The following ANKHD1 variants were observed in gnomAD, a reference collection of about 807,000 sequenced individuals.
The protein encoded by ANKHD1 is ankyrin repeat and KH domain-containing protein 1.
ANKHD1 carries 31 observed loss-of-function variants against 230.5 expected under a neutral mutation model. That is an observed-to-expected ratio of 0.13 (90% CI 0.10 to 0.18). The LOEUF is 0.18. ANKHD1 is among the 10% of genes least tolerant of loss of function. The probability of loss-of-function intolerance (pLI) is 1.00; values close to 1 mark genes in which losing one functional copy is unlikely to be tolerated. For missense variants in ANKHD1, 2,256 were observed against 3,071.3 expected, an observed-to-expected ratio of 0.73 and a Z score of 6.27; for synonymous variants, 1,074 against 1,117.6, an observed-to-expected ratio of 0.96 and a Z score of 0.78.
chr5:140,516,657 T>A (rs1263587798), intron 24 of ANKHD1, among the ~76,000 whole-genome samples: 1 of 152,052 alleles, frequency 6.6e-6, no homozygotes, highest in Non-Finnish European at 1.5e-5. Context: ...AGAAAAGAAT[T>A]TTCAACCCAG....
intron 10 of ANKHD1, among the ~76,000 whole-genome samples, chr5:140,470,066 G>T (rs1776380057): frequency 6.6e-6 from 1 of 151,914 alleles, no homozygotes; most frequent in African/African-American, 2.4e-5. Flanking sequence ...TGAATCACTT[G>T]TTCTTTCCCC....
intron 5 of ANKHD1, among the ~76,000 whole-genome samples, chr5:140,445,520 A>G (rs1276941660): frequency 6.6e-6 from 1 of 151,644 alleles, no homozygotes; most frequent in East Asian, 2.0e-4. Context: ...AAAGAAAAGA[A>G]AATTAAGGTG....
At position 140,496,705 on chromosome 5, in the gene ANKHD1, C is replaced by A. The variant is rs752623422; in HGVS notation, c.2431C>A (p.Pro811Thr). The A allele has an allele frequency of 1.2e-6, 2 of 1,613,612 alleles. No individual in the cohort carries two copies. The highest frequency in any genetic ancestry group is 1.1e-5 in the South Asian group (1 of 91,060). ...LKSLELIQGE[P>T]LNKDKIEELK... ...GTCACTGGAGTTAATTCAAGGTGAA[C>A]CTCTGAACAAAGATAAGATAGAAGA... is the stretch of plus-strand genomic sequence containing the variant. Residue 811 changes from proline to threonine, a missense_variant, in exon 15 of 34, where the codon CCT becomes ACT. By Grantham distance (38) the Pro-to-Thr change is conservative. Around this residue, in one of 13 missense-constraint regions of ANKHD1, gnomAD observed 358 missense variants for 397.7 expected, o/e 0.90. Transcript: ENST00000360839.
chr5:140,539,015 C>G lies in ANKHD1; in HGVS notation c.7501C>G (p.Pro2501Ala), dbSNP rs145182659. The G allele has an allele frequency of 5.8e-5, 93 of 1,613,352 alleles. No homozygotes were observed. Among genetic ancestry groups the G allele is most frequent in the Admixed American group, 3.5e-4 (21 of 59,848 alleles). ...GGPLFNGLHN[P>A]DPAWNPMIKV... ...CCCTCTGTTTAATGGACTTCACAATCCAGATCCTGCTTGGAACCCTATGAT... is the reference window on the plus strand; with the variant it reads ...CCCTCTGTTTAATGGACTTCACAATGCAGATCCTGCTTGGAACCCTATGAT... The change falls in exon 33 of 34, where the codon CCA becomes GCA. Residue 2501 changes from proline (P) to alanine (A), a missense_variant. Pro to Ala is a conservative substitution (Grantham distance 27). Around this residue, in one of 13 missense-constraint regions of ANKHD1, gnomAD observed 778 missense variants for 966.5 expected, o/e 0.80. Coordinates refer to ENST00000360839, the MANE Select transcript of ANKHD1 (RefSeq NM_017747.3).
chr5:140,504,732 C>A, intron 15 of ANKHD1, 89 bp from the exon 16 acceptor site: 1 of 1,510,506 alleles, frequency 6.6e-7, no homozygotes, highest in Non-Finnish European at 8.9e-7. Context: ...CATATTACTG[C>A]TATGGAAATT....
At position 140,402,136 on chromosome 5, in the gene ANKHD1, G is replaced by GGCA. The variant is rs754392143; in HGVS notation, c.175_177dup (p.Ser59dup). On this transcript the variant is annotated inframe_insertion, in exon 1 of 34. Coordinates refer to ENST00000360839, the MANE Select transcript of ANKHD1 (RefSeq NM_017747.3). Reference sequence around the variant, plus strand: ...GGAGGCCGGGCCAGCGTCGGGAGTCGGCAGCAGCGGCGGCGGCGGCAGCGG... The same window carrying GGCA: ...GGAGGCCGGGCCAGCGTCGGGAGTCGGCAGCAGCAGCGGCGGCGGCGGCAGCGG... The GGCA allele has an allele frequency of 4.2e-5, 65 of 1,545,134 alleles. No homozygotes were observed. Among genetic ancestry groups the GGCA allele is most frequent in the South Asian group, 3.3e-4 (27 of 82,920 alleles).
intron 24 of ANKHD1, among the ~76,000 whole-genome samples, chr5:140,521,209 A>G (rs1254358229): frequency 6.6e-6 from 1 of 152,244 alleles, no homozygotes; most frequent in Non-Finnish European, 1.5e-5. Flanking sequence ...AAATTTTGAC[A>G]GCAAATTTTG....
intron 1 of ANKHD1, among the ~76,000 whole-genome samples, chr5:140,415,150 G>A (rs910706682): frequency 8.6e-5 from 13 of 151,948 alleles, no homozygotes; most frequent in Non-Finnish European, 1.6e-4. Context: ...TTGGGGGGCC[G>A]AGGCGGGCCG....
intron 9 of ANKHD1, among the ~76,000 whole-genome samples, chr5:140,459,578 A>G (rs980399252): frequency 5.3e-5 from 8 of 152,150 alleles, no homozygotes; most frequent in African/African-American, 1.9e-4. Context: ...TATATTGCAT[A>G]GCAAGGTGAC....
At chr5:140,462,226 A>G (rs1166135094) in intron 9 of ANKHD1, among the ~76,000 whole-genome samples, 1 of 151,574 alleles carries the variant, frequency 6.6e-6, no homozygotes, top group Non-Finnish European at 1.5e-5. Flanking sequence ...TACTTTCTTC[A>G]GGAGGTAATA....
chr5:140,465,135 TTTAATTGACACATG>T (rs1473098347), intron 10 of ANKHD1: 1 of 156,962 alleles, frequency 6.4e-6, no homozygotes, highest in Non-Finnish European at 1.4e-5. Flanking sequence ...TTATTATTAT[TTTAATTGACACATG>T]ATAATTGAAC....
chr5:140,517,195 G>A (rs1753063607), intron 24 of ANKHD1, among the ~76,000 whole-genome samples: 6 of 141,778 alleles, frequency 4.2e-5, no homozygotes, highest in South Asian at 2.4e-4. Context: ...GACAAAGAAG[G>A]CCATTACATA....
rs552028940 is a variant in ANKHD1 at position 140,527,748 on chromosome 5, A to C, written c.5088-125A>C. 7.5e-6 allele frequency: 9 copies of C among 1,193,144 alleles called. No homozygotes were observed. The African/African-American group carries it at 1.4e-4, about 19-fold the overall frequency. 73.9% of individuals were successfully genotyped at this position (1,193,144 alleles called of 1,614,324 possible). A position where few individuals can be genotyped will look rare whatever the true frequency, so the allele number is the denominator to read the frequency against. On this transcript the variant is annotated intron_variant, in intron 27 of 33. Transcript: ENST00000360839. This position sits in a 1 kb window ranked among gnomAD's most constrained non-coding sequence, Gnocchi z 4.5. ...AATTTCTAAAATAAAAACTTTTAAT[A>C]ATTTCCTCTTTAGCATTTAAGAAAT...
At chr5:140,537,211 T>C in intron 30 of ANKHD1, 178 bp from the exon 31 acceptor site, 2 of 1,111,650 alleles carry the variant, frequency 1.8e-6, no homozygotes, top group Non-Finnish European at 2.4e-6. Context: ...TTTATTTGAA[T>C]GTTCTTTTAA....
chr5:140,421,179 A>G (rs151071982), intron 1 of ANKHD1, among the ~76,000 whole-genome samples: 432 of 152,176 alleles, frequency 2.8e-3, no homozygotes, highest in African/African-American at 9.7e-3. Flanking sequence ...TGGTTTGGGT[A>G]GTTGTCTTCT....
intron 1 of ANKHD1, among the ~76,000 whole-genome samples, chr5:140,427,845 G>A (rs1413445441): frequency 1.3e-5 from 2 of 152,024 alleles, no homozygotes; most frequent in East Asian, 3.9e-4. Flanking sequence ...CAGACGGGGT[G>A]GCTGCTGGGC....
rs757145919 is a variant in ANKHD1, at chr5:140,537,551, A to C, written c.7190A>C (p.His2397Pro). Residue 2397 changes from histidine to proline, a missense_variant, in exon 31 of 34, where the codon CAC (histidine) becomes CCC (proline). His to Pro is a moderately conservative substitution (Grantham distance 77, BLOSUM62 -2). This residue lies in a region of ANKHD1 where 778 missense variants were observed against 966.5 expected (regional missense o/e 0.80). Transcript: ENST00000360839. The part of the protein sequence containing the change: ...AGTSFVAPVG[H>P]SGIWSFGVNA... ...ACCAGTTTTGTCGCTCCCGTTGGAC[A>C]CAGTGGAATCTGGTCATTTGGTGTC... The C allele has an allele frequency of 1.2e-6, 2 of 1,607,082 alleles. No individual in the cohort carries two copies. Among genetic ancestry groups the C allele is most frequent in the Non-Finnish European group, 1.7e-6 (2 of 1,176,418 alleles).
chr5:140,485,209 T>C lies in ANKHD1; in HGVS notation c.1959T>C (p.Leu653=), dbSNP rs1407356199. Reference sequence around the variant, plus strand: ...GAGGCCACCTGGCAGTTGTTGAGCTTCTCTTGGCTCATGGGGCTGACCCTA... The same window carrying C: ...GAGGCCACCTGGCAGTTGTTGAGCTCCTCTTGGCTCATGGGGCTGACCCTA... ...CAGGHLAVVE[L]LLAHGADPTH... is the part of the protein sequence containing the mutation. Residue 653 remains leucine, a synonymous_variant, in exon 12 of 34, where the codon CTT becomes CTC. Coordinates refer to ENST00000360839, the MANE Select transcript of ANKHD1 (RefSeq NM_017747.3). This position sits in a 1 kb window ranked among gnomAD's most constrained non-coding sequence, Gnocchi z 4.8. 1 of 1,613,872 alleles carries C rather than the reference T, an allele frequency of 6.2e-7. No homozygotes were observed. Among genetic ancestry groups the C allele is most frequent in the Non-Finnish European group, 8.5e-7 (1 of 1,179,880 alleles).
At chr5:140,439,810 C>T (rs932749760) in intron 3 of ANKHD1, among the ~76,000 whole-genome samples, 2 of 151,962 alleles carry the variant, frequency 1.3e-5, no homozygotes, top group Non-Finnish European at 2.9e-5. Flanking sequence ...TGTCCTGGGC[C>T]GTGGGTTGGA....
Sources: allele counts gnomAD v4.1 joint callset (sites outside exome capture counted in the v4.1 genomes callset), GRCh38; gene constraint gnomAD v4.1.1; regional missense constraint gnomAD v4.1.1; non-coding constraint Gnocchi (gnomAD v3.1); transcripts MANE v1.5; gene names NCBI Gene and HGNC (gene_info 2026-07-23, HGNC 2026-07-21).